Variants in PCDHA9 observed in about 807,000 individuals in gnomAD.
PCDHA9 encodes the protein protocadherin alpha-9.
PCDHA9 carries 62 observed loss-of-function variants against 62.0 expected under a neutral mutation model. The ratio of observed to expected loss-of-function variants is 1.00; its 90% CI spans 0.81 to 1.23. The LOEUF (loss-of-function observed/expected upper bound fraction) is 1.23. Ranked by LOEUF, PCDHA9 falls within the 50% of genes most tolerant of loss-of-function variation. The pLI is 0.00. For missense variants in PCDHA9, 1,205 were observed against 1,249.8 expected (o/e 0.96, Z 0.54); for synonymous variants, 557 against 567.6 (o/e 0.98, Z 0.27).
In PCDHA9 at chr5:140,851,118, T is replaced by C. The variant is rs1554145256; in HGVS notation, c.2394+229T>C. Reference sequence around the variant, plus strand: ...TATTTTTTGGGTGCTGAATCAATTTTATTTAAATTTGTGATTAAAGTGACA... The same window carrying C: ...TATTTTTTGGGTGCTGAATCAATTTCATTTAAATTTGTGATTAAAGTGACA... On this transcript the variant is annotated intron_variant, in intron 1 of 3. Transcript: ENST00000532602. 5 of 1,307,406 alleles carry C rather than the reference T, an allele frequency of 3.8e-6. No individual in the cohort carries two copies. The East Asian group carries it at 1.3e-4, about 35-fold the overall frequency. The allele number at this position is 1,307,406 out of a possible 1,614,324, so 81.0% of individuals were successfully genotyped here.
intron 1 of PCDHA9, chr5:140,884,170 G>A (rs1333457358): frequency 1.4e-5 from 23 of 1,613,294 alleles, no homozygotes; most frequent in Non-Finnish European, 1.9e-5. Flanking sequence ...TCAGCACGAC[G>A]CGCCCTCTGG....
intron 1 of PCDHA9, chr5:140,865,841 T>C (rs1371165787): frequency 1.3e-5 from 2 of 152,176 alleles, no homozygotes; most frequent in African/African-American, 4.8e-5. Flanking sequence ...CTTTAGTAAG[T>C]CATTTCTCTG....
At chr5:140,916,377 C>T (rs1436518298) in intron 1 of PCDHA9, among the ~76,000 whole-genome samples, 4 of 152,092 alleles carry the variant, frequency 2.6e-5, no homozygotes, top group African/African-American at 9.7e-5. Flanking sequence ...CTGTAGCCAC[C>T]ACAACTAGGA....
At chr5:141,005,574 T>C (rs567844252) in intron 3 of PCDHA9, among the ~76,000 whole-genome samples, 58 of 150,842 alleles carry the variant, frequency 3.8e-4, no homozygotes, top group Non-Finnish European at 7.5e-4. Flanking sequence ...TGGTGGCGCG[T>C]GCCTGTAGTC....
chr5:140,921,203 G>A (rs782776779), intron 1 of PCDHA9, among the ~76,000 whole-genome samples: 22 of 151,476 alleles, frequency 1.5e-4, no homozygotes, highest in Non-Finnish European at 2.7e-4. Context: ...GATTGACAAC[G>A]ATAATTCACG....
chr5:140,856,721 G>A (rs1043107454), intron 1 of PCDHA9: 7 of 1,596,646 alleles, frequency 4.4e-6, no homozygotes, highest in South Asian at 1.1e-5. Context: ...TACCGGATCT[G>A]TTTCTCTGCT....
Position 140,850,144 on chromosome 5 carries a change from C to G in PCDHA9, c.1649C>G (p.Thr550Arg). Residue 550 changes from threonine to arginine, a missense_variant, in exon 1 of 4, where the codon ACG (threonine) becomes AGG (arginine). Physicochemically the swap from Thr to Arg is moderately conservative, Grantham distance 71. Around this residue, in one of 3 missense-constraint regions of PCDHA9, gnomAD observed 887 missense variants for 809.5 expected, o/e 1.10. Transcript: ENST00000532602. ...GTGCCGCCTCTGGGCAGCAACGTGA[C>G]GCTGCAGGTGTTCGTGCTGGACGAG... ...AGVPPLGSNV[T>R]LQVFVLDEND... is the part of the protein sequence containing the mutation. The G allele has an allele frequency of 1.9e-6, 3 of 1,595,628 alleles. 1 individual carries two copies. In the African/African-American group the frequency reaches 4.0e-5, roughly 21 times the overall value.
At chr5:140,946,631 T>TATATATATATACACACAC (rs57893927) in intron 1 of PCDHA9, among the ~76,000 whole-genome samples, 1 of 131,846 alleles carries the variant, frequency 7.6e-6, no homozygotes, top group East Asian at 2.0e-4. Context: ...TATATATATA[T>TATATATATATACACACAC]ACAATGGAAT....
rs2150475422 is a variant in PCDHA9 at position 140,850,245 on chromosome 5, T to C, written c.1750T>C (p.Ser584Pro). 9 of 1,593,300 alleles carry C rather than the reference T, an allele frequency of 5.6e-6. No individual in the cohort carries two copies. The highest frequency in any genetic ancestry group is 6.9e-6 in the Non-Finnish European group (8 of 1,166,952). The change falls in exon 1 of 4, where the codon TCG becomes CCG. Residue 584 changes from serine (S) to proline (P), a missense_variant. Physicochemically the swap from Ser to Pro is moderately conservative, Grantham distance 74. Coordinates refer to ENST00000532602, the MANE Select transcript of PCDHA9 (RefSeq NM_031857.2). ...CGCAGTGAGCGAGATGGTGCTGCGG[T>C]CGGTGGGCGCCGGCGTAGTGGTGGG... ...DGAVSEMVLR[S>P]VGAGVVVGKV...
chr5:140,917,333 G>GT (rs1401985588), intron 1 of PCDHA9, among the ~76,000 whole-genome samples: 2 of 148,632 alleles, frequency 1.3e-5, no homozygotes, highest in Admixed American at 6.7e-5. Context: ...GCGGGGGAGG[G>GT]GGGGGATGGT....
chr5:140,980,057 C>T (rs559895684), intron 2 of PCDHA9, among the ~76,000 whole-genome samples: 2 of 152,272 alleles, frequency 1.3e-5, no homozygotes, highest in East Asian at 3.9e-4. Context: ...GATTCAGAAG[C>T]AATCAGTGAA....
rs371705947 is a variant in PCDHA9, at chr5:140,967,473, C to T, written c.2395-11476C>T. The T allele has an allele frequency of 6.6e-5, 107 of 1,613,362 alleles. No homozygotes were observed. The highest frequency in any genetic ancestry group is 6.6e-4 in the Middle Eastern group (4 of 6,058). On this transcript the variant is annotated intron_variant, in intron 1 of 3. Coordinates refer to ENST00000532602, the MANE Select transcript of PCDHA9 (RefSeq NM_031857.2). The stretch of plus-strand genomic sequence containing the variant: ...ACAGCCGTGGATGGGGGCATCCCAG[C>T]CCGCTCGGGTACGGCACAGATCTCT...
At chr5:140,863,259 G>T in intron 1 of PCDHA9, 1 of 1,448,654 alleles carries the variant, frequency 6.9e-7, no homozygotes. Context: ...TCGAGGTCCG[G>T]GAGGCAGCGC....
At chr5:140,878,923 A>G (rs895670993) in intron 1 of PCDHA9, among the ~76,000 whole-genome samples, 8 of 152,222 alleles carry the variant, frequency 5.3e-5, no homozygotes, top group African/African-American at 1.9e-4. Flanking sequence ...AGCTTCAATC[A>G]ATAATTTTAA....
At chr5:140,965,288 T>C (rs1020237812) in intron 1 of PCDHA9, among the ~76,000 whole-genome samples, 5 of 152,216 alleles carry the variant, frequency 3.3e-5, no homozygotes, top group Non-Finnish European at 7.3e-5. Flanking sequence ...CATGGAAAGA[T>C]TTCCTCTGAT....
chr5:140,967,980 A>G (rs1554230169), intron 1 of PCDHA9: 1 of 1,614,198 alleles, frequency 6.2e-7, no homozygotes, highest in African/African-American at 1.3e-5. Context: ...CTGGGTCTGG[A>G]GGCCACACTG....
intron 1 of PCDHA9, chr5:140,877,117 G>C: frequency 6.2e-7 from 1 of 1,613,720 alleles, no homozygotes; most frequent in Non-Finnish European, 8.5e-7. Flanking sequence ...GGGCAGCAAC[G>C]TGACGCTGCA....
At chr5:140,906,518 A>G (rs377287696) in intron 1 of PCDHA9, among the ~76,000 whole-genome samples, 161 of 152,358 alleles carry the variant, frequency 1.1e-3, no homozygotes, top group African/African-American at 3.7e-3. Flanking sequence ...AGGAGGAAAT[A>G]CTCACGACAA....
chr5:140,929,257 C>T, intron 1 of PCDHA9: 2 of 1,612,972 alleles, frequency 1.2e-6, no homozygotes, highest in Non-Finnish European at 1.7e-6. Context: ...TGGGGTAGGA[C>T]TGAATTTGCC....
Sources: gnomAD v4.1 joint callset for allele counts (sites outside exome capture counted in the v4.1 genomes callset) on GRCh38, gnomAD v4.1.1 for gene constraint, gnomAD v4.1.1 regional missense constraint, MANE v1.5 for transcripts, NCBI Gene and HGNC (gene_info 2026-07-23, HGNC 2026-07-21) for gene names.